Variants in NPAS3 observed in about 807,000 individuals in gnomAD.
NPAS3 encodes the protein neuronal PAS domain protein 3.
In NPAS3, 14 loss-of-function variants were observed where a neutral mutation model predicts 73.1. The ratio of observed to expected loss-of-function variants is 0.19; its 90% CI spans 0.13 to 0.30. NPAS3 has a LOEUF of 0.30. Ranked by LOEUF, NPAS3 falls within the 10% of genes least tolerant of loss-of-function variation. NPAS3 has a pLI of 1.00. For synonymous variants in NPAS3, 620 were observed against 541.5 expected, an observed-to-expected ratio of 1.14 and a Z score of -2.01; for missense variants, 1,096 against 1,250.0, an observed-to-expected ratio of 0.88 and a Z score of 1.86.
intron 3 of NPAS3, among the ~76,000 whole-genome samples, chr14:33,358,855 G>A (rs2045464108): frequency 6.6e-6 from 1 of 152,196 alleles, no homozygotes; most frequent in South Asian, 2.1e-4. Context: ...TTGGTCAACA[G>A]GGTTGATACC....
At chr14:33,711,401 G>GACC (rs2060814906) in intron 6 of NPAS3, among the ~76,000 whole-genome samples, 1 of 152,066 alleles carries the variant, frequency 6.6e-6, no homozygotes, top group Non-Finnish European at 1.5e-5. Flanking sequence ...AAATGCGACC[G>GACC]GACAATGCTT....
intron 5 of NPAS3, among the ~76,000 whole-genome samples, chr14:33,575,793 G>C (rs1024001581): frequency 1.3e-5 from 2 of 152,216 alleles, no homozygotes; most frequent in South Asian, 4.2e-4. Context: ...ATCTACTCTA[G>C]TAATGATTTT....
intron 2 of NPAS3, among the ~76,000 whole-genome samples, chr14:33,212,766 A>G (rs908780963): frequency 6.6e-6 from 1 of 152,234 alleles, no homozygotes; most frequent in African/African-American, 2.4e-5. Flanking sequence ...AGTTGAATAA[A>G]TTCCTGATAT....
chr14:33,553,618 G>A (rs573677043), intron 4 of NPAS3, among the ~76,000 whole-genome samples: 1 of 152,184 alleles, frequency 6.6e-6, no homozygotes, highest in Non-Finnish European at 1.5e-5. Flanking sequence ...CCTTTGTGCA[G>A]TTGACTCATT....
chr14:33,586,802 G>A (rs2056877105), intron 5 of NPAS3, among the ~76,000 whole-genome samples: 1 of 152,146 alleles, frequency 6.6e-6, no homozygotes, highest in African/African-American at 2.4e-5. Flanking sequence ...TTAGGAAGAG[G>A]AGACAATGCT....
upstream of NPAS3, among the ~76,000 whole-genome samples, chr14:32,936,787 C>A (rs2035708458): frequency 6.6e-6 from 1 of 152,164 alleles, no homozygotes; most frequent in African/African-American, 2.4e-5. Flanking sequence ...AGAGAATTTT[C>A]CCTCAAGGCA....
chr14:33,432,374 A>T (rs931090264), intron 4 of NPAS3, among the ~76,000 whole-genome samples: 1 of 152,214 alleles, frequency 6.6e-6, no homozygotes, highest in Non-Finnish European at 1.5e-5. Flanking sequence ...CTTGCATTTC[A>T]TAAGAATATC....
At chr14:33,769,307 C>T (rs2062565583) in intron 7 of NPAS3, among the ~76,000 whole-genome samples, 1 of 152,246 alleles carries the variant, frequency 6.6e-6, no homozygotes, top group East Asian at 1.9e-4. Context: ...CCCCTGAACA[C>T]CTTCTCCAGG....
intron 5 of NPAS3, among the ~76,000 whole-genome samples, chr14:33,607,980 C>T (rs1169651418): frequency 1.3e-5 from 2 of 152,154 alleles, no homozygotes; most frequent in African/African-American, 4.8e-5. Flanking sequence ...ATTCAGTTAC[C>T]TCCCACTGGG....
chr14:33,095,956 C>A (rs1249021604), intron 2 of NPAS3, among the ~76,000 whole-genome samples: 4 of 151,392 alleles, frequency 2.6e-5, no homozygotes, highest in African/African-American at 9.7e-5. Flanking sequence ...GCTGGGATTA[C>A]CAGCGTGAGC....
intron 1 of NPAS3, among the ~76,000 whole-genome samples, chr14:32,950,209 A>T (rs922512920): frequency 6.6e-6 from 1 of 152,080 alleles, no homozygotes; most frequent in African/African-American, 2.4e-5. Context: ...AATGAGAATG[A>T]TAATACTGTA....
chr14:33,274,309 A>G (rs2041231302), intron 3 of NPAS3, among the ~76,000 whole-genome samples: 1 of 152,216 alleles, frequency 6.6e-6, no homozygotes, highest in African/African-American at 2.4e-5. Context: ...AGAATATGTA[A>G]GGAGGCAGCA....
At chr14:33,581,765 G>C (rs992819301) in intron 5 of NPAS3, among the ~76,000 whole-genome samples, 3 of 152,058 alleles carry the variant, frequency 2.0e-5, no homozygotes, top group Non-Finnish European at 1.5e-5. Flanking sequence ...GTAGAGATGG[G>C]ATTCCACCAT....
intron 4 of NPAS3, among the ~76,000 whole-genome samples, chr14:33,559,141 CT>C (rs1356350792): frequency 6.6e-6 from 1 of 152,084 alleles, no homozygotes; most frequent in African/African-American, 2.4e-5. Context: ...GTGTAGCATC[CT>C]TTTTCTTTCT....
intron 3 of NPAS3, among the ~76,000 whole-genome samples, chr14:33,240,026 A>G (rs564723101): frequency 2.0e-4 from 31 of 151,962 alleles, no homozygotes; most frequent in Middle Eastern, 3.4e-3. Flanking sequence ...TCAAAGCACT[A>G]CTAAATAGCC....
chr14:33,030,651 G>T lies in NPAS3; in HGVS notation c.51-25254G>T, dbSNP rs1203750770. On this transcript the variant is annotated intron_variant, in intron 1 of 11. Coordinates refer to ENST00000356141, the Ensembl canonical transcript of NPAS3. Reference sequence around the variant, plus strand: ...ATACAGCTGTCACTCTGGACAACAAGATACTCATATGCAAGCAGCTGCTTA... The same window carrying T: ...ATACAGCTGTCACTCTGGACAACAATATACTCATATGCAAGCAGCTGCTTA... 8.5e-5 allele frequency among the ~76,000 whole-genome samples: 13 copies of T among 152,230 alleles called. No homozygotes were observed. The East Asian group carries it at 2.1e-3, about 25-fold the overall frequency.
rs1555371843 is a variant in NPAS3 at position 33,308,527 on chromosome 14, T to TACACACACAC, written c.386-58656_386-58655insCACACACACA. 4.0e-3 allele frequency among the ~76,000 whole-genome samples: 420 copies of TACACACACAC among 103,736 alleles called. 27 individuals are homozygous for TACACACACAC. Among genetic ancestry groups the TACACACACAC allele is most frequent in the African/African-American group, 0.015 (319 of 21,604 alleles). The allele number at this position is 103,736 out of a possible 152,430, so 68.1% of individuals were successfully genotyped here. The stretch of plus-strand genomic sequence containing the variant: ...TGCATAGTTTATATATATATATATA[T>TACACACACAC]ACATACACACACACACACACACACA... On this transcript the variant is annotated intron_variant, in intron 3 of 11. Coordinates refer to ENST00000356141, the Ensembl canonical transcript of NPAS3.
intron 2 of NPAS3, among the ~76,000 whole-genome samples, chr14:33,062,697 G>A (rs940515867): frequency 2.0e-5 from 3 of 152,238 alleles, no homozygotes; most frequent in African/African-American, 7.2e-5. Context: ...GATGAGAGGT[G>A]TAGCACCACA....
chr14:33,434,516 C>T (rs1345932747), intron 4 of NPAS3, among the ~76,000 whole-genome samples: 1 of 150,526 alleles, frequency 6.6e-6, no homozygotes, highest in South Asian at 2.1e-4. Context: ...GACAGCAAGA[C>T]CCCATCTCAA....
Sources: allele counts gnomAD v4.1 joint callset (sites outside exome capture counted in the v4.1 genomes callset), GRCh38; gene constraint gnomAD v4.1.1; transcripts MANE v1.5; gene names NCBI Gene and HGNC (gene_info 2026-07-23, HGNC 2026-07-21).